The following PALLD variants were observed in gnomAD, a reference collection of about 807,000 sequenced individuals.
PALLD encodes the protein palladin, cytoskeletal associated protein.
Under a neutral mutation model 123.5 loss-of-function variants are expected in PALLD, and 61 were observed. The ratio of observed to expected loss-of-function variants is 0.49; its 90% confidence interval spans 0.40 to 0.61. The LOEUF (loss-of-function observed/expected upper bound fraction) is 0.61. Among genes scored for constraint, PALLD ranks in the 20% least tolerant of loss-of-function variants. The pLI, the probability that PALLD is intolerant of heterozygous loss-of-function variation, is 0.00. For missense variants in PALLD, 1,273 were observed against 1,377.0 expected, an observed-to-expected ratio of 0.92 and a Z score of 1.20; for synonymous variants, 465 against 496.4, an observed-to-expected ratio of 0.94 and a Z score of 0.84.
At position 168,896,529 on chromosome 4, in the gene PALLD, CT is replaced by C. The variant is rs766416032; in HGVS notation, c.2200-13del. ...TTATTTCTATTATTAGTCTTCACAT[CT>C]TTTTTTCTACCATTACAGGACATTG... On this transcript the variant is annotated intron_variant, in intron 12 of 21. Transcript: ENST00000505667. 164 of 1,403,212 alleles carry C rather than the reference CT, an allele frequency of 1.2e-4. No homozygotes were observed. Among genetic ancestry groups the C allele is most frequent in the Non-Finnish European group, 1.5e-4 (158 of 1,025,266 alleles). The allele number at this position is 1,403,212 out of a possible 1,614,324, so 86.9% of individuals were successfully genotyped here.
intron 10 of PALLD, among the ~76,000 whole-genome samples, chr4:168,773,491 T>C (rs1454438326): frequency 1.3e-5 from 2 of 152,252 alleles, no homozygotes; most frequent in Non-Finnish European, 1.5e-5. Context: ...GCCTGATTGC[T>C]AAGTGCTGTT....
chr4:168,795,081 C>T (rs1362826830), intron 10 of PALLD, among the ~76,000 whole-genome samples: 5 of 152,166 alleles, frequency 3.3e-5, no homozygotes, highest in Non-Finnish European at 4.4e-5. Flanking sequence ...GGCTAAAACT[C>T]TCATCCATGA....
chr4:168,657,023 C>T (rs990444799), intron 2 of PALLD, among the ~76,000 whole-genome samples: 1 of 152,142 alleles, frequency 6.6e-6, no homozygotes, highest in Admixed American at 6.5e-5. Context: ...GCCATAAGCT[C>T]TGGAAAAGCT....
At chr4:168,542,716 CCATATATATATATATATATA>C (rs1765745223) in intron 2 of PALLD, among the ~76,000 whole-genome samples, 2 of 48,830 alleles carry the variant, frequency 4.1e-5, no homozygotes, top group Non-Finnish European at 7.7e-5. Flanking sequence ...GCTAACCTTT[CCATATATATATATATATATA>C]TATATATATA....
chr4:168,556,231 G>A (rs974235083), intron 2 of PALLD, among the ~76,000 whole-genome samples: 3 of 152,070 alleles, frequency 2.0e-5, no homozygotes, highest in Non-Finnish European at 2.9e-5. Flanking sequence ...GAGTAGCTGG[G>A]ACTACAGGTG....
intron 10 of PALLD, among the ~76,000 whole-genome samples, chr4:168,768,694 G>A (rs923855894): frequency 1.3e-5 from 2 of 152,148 alleles, no homozygotes; most frequent in Admixed American, 6.5e-5. Context: ...GTTTTTTTGA[G>A]ATGGAGTCTT....
At chr4:168,769,290 C>T (rs1485976816) in intron 10 of PALLD, among the ~76,000 whole-genome samples, 2 of 152,196 alleles carry the variant, frequency 1.3e-5, no homozygotes, top group Admixed American at 6.5e-5. Context: ...TGGAGCTATC[C>T]GTTAGAACTG....
chr4:168,879,035 C>T (rs192938290), intron 10 of PALLD, among the ~76,000 whole-genome samples: 2 of 152,242 alleles, frequency 1.3e-5, no homozygotes, highest in East Asian at 3.9e-4. Context: ...GGGGCAAAAG[C>T]ATGTAAATGT....
chr4:168,736,536 A>G (rs1403365470), intron 10 of PALLD, among the ~76,000 whole-genome samples: 2 of 152,190 alleles, frequency 1.3e-5, no homozygotes, highest in African/African-American at 4.8e-5. Flanking sequence ...CATTGAACAC[A>G]ACGGTGTCTC....
chr4:168,517,690 A>G lies in PALLD; in HGVS notation c.908+5278A>G, dbSNP rs577062113. Among the ~76,000 whole-genome samples the G allele has an allele frequency of 5.3e-5, 8 of 152,326 alleles. No homozygotes were observed. In the South Asian group the frequency reaches 1.7e-3, roughly 32 times the overall value. On this transcript the variant is annotated intron_variant, in intron 2 of 21. Transcript: ENST00000505667. ...CATCTTTTGGCTGATTTGGTTTCGG[A>G]AAATGTAGCAACAGCACCACTAGCC...
chr4:168,595,794 G>C (rs1289418516), intron 2 of PALLD, among the ~76,000 whole-genome samples: 1 of 152,040 alleles, frequency 6.6e-6, no homozygotes, highest in South Asian at 2.1e-4. Context: ...GAATGCCAGG[G>C]TGAGGGTAGA....
At chr4:168,852,334 CACT>C (rs574990996) in intron 10 of PALLD, among the ~76,000 whole-genome samples, 247 of 152,234 alleles carry the variant, frequency 1.6e-3, no homozygotes, top group African/African-American at 5.8e-3. Flanking sequence ...CTGTTTTGAT[CACT>C]ACTAGATTTC....
chr4:168,668,306 A>G lies in PALLD; in HGVS notation c.1025A>G (p.Tyr342Cys). 1 of 1,613,536 alleles carries G rather than the reference A, an allele frequency of 6.2e-7. No homozygotes were observed. Among genetic ancestry groups the G allele is most frequent in the Non-Finnish European group, 8.5e-7 (1 of 1,179,564 alleles). ...GCCTTTGAGGACGACACAGGTCGCT[A>G]CACCTGTTTGGCTACGAATCCCAGC... The part of the protein sequence containing the change: ...AEAFEDDTGR[Y>C]TCLATNPSGS... The change falls in exon 3 of 22, where the codon TAC (tyrosine) becomes TGC (cysteine). Residue 342 changes from tyrosine (Y) to cysteine (C), a missense_variant. Transcript: ENST00000505667.
intron 8 of PALLD, among the ~76,000 whole-genome samples, chr4:168,705,798 GGCTA>G (rs1234020519): frequency 2.3e-4 from 35 of 152,070 alleles, no homozygotes; most frequent in African/African-American, 8.4e-4. Flanking sequence ...CACCATGCCT[GGCTA>G]ATTTTTTTGT....
At chr4:168,854,505 G>C (rs147793007) in intron 10 of PALLD, among the ~76,000 whole-genome samples, 1 of 152,156 alleles carries the variant, frequency 6.6e-6, no homozygotes, top group African/African-American at 2.4e-5. Context: ...GCCCTGTGCC[G>C]ATTTTGTAGG....
chr4:168,590,798 A>G (rs1321143203), intron 2 of PALLD, among the ~76,000 whole-genome samples: 1 of 147,318 alleles, frequency 6.8e-6, no homozygotes, highest in East Asian at 2.1e-4. Flanking sequence ...AACACCATGG[A>G]GTGAAGAATG....
rs1398289867 is a variant in PALLD, at chr4:168,894,666, A to C, written c.2188A>C (p.Thr730Pro). 2 of 1,613,460 alleles carry C rather than the reference A, an allele frequency of 1.2e-6. No homozygotes were observed. The highest frequency in any genetic ancestry group is 1.7e-4 in the Middle Eastern group (1 of 6,060). ...TAATATTCAGGAGCCAGAAGAGGAA[A>C]CAGCTAATCAGGTACCATGTTGCTC... Reference protein sequence around the residue: ...VFNIQEPEEETANQDIGSPHA... With the variant: ...VFNIQEPEEEPANQDIGSPHA... Residue 730 changes from threonine to proline, a missense_variant, in exon 12 of 22, where the codon ACA (threonine) becomes CCA (proline). Thr to Pro is a conservative substitution (Grantham distance 38, BLOSUM62 -1). Transcript: ENST00000505667.
chr4:168,713,818 G>A (rs1785066129), intron 10 of PALLD, among the ~76,000 whole-genome samples: 1 of 149,808 alleles, frequency 6.7e-6, no homozygotes, highest in Non-Finnish European at 1.5e-5. Flanking sequence ...GGACTTAAAT[G>A]TATGAGGCCC....
chr4:168,843,220 A>G (rs1176501853), intron 10 of PALLD, among the ~76,000 whole-genome samples: 1 of 152,190 alleles, frequency 6.6e-6, no homozygotes, highest in Non-Finnish European at 1.5e-5. Context: ...CCCATTGGAT[A>G]TACTCTAATT....
Sources: gnomAD v4.1 joint callset for allele counts (sites outside exome capture counted in the v4.1 genomes callset) on GRCh38, gnomAD v4.1.1 for gene constraint, MANE v1.5 for transcripts, NCBI Gene and HGNC (gene_info 2026-07-23, HGNC 2026-07-21) for gene names.